Variants in NDUFA10 observed in about 807,000 individuals in gnomAD.
NDUFA10 encodes the protein NADH:ubiquinone oxidoreductase subunit A10, also known as NADH dehydrogenase [ubiquinone] 1 alpha subcomplex subunit 10, mitochondrial.
A neutral mutation model predicts 47.8 loss-of-function variants in NDUFA10; 40 were observed. That is an observed-to-expected ratio of 0.84 (90% CI 0.65 to 1.09). NDUFA10 has a LOEUF of 1.09. Among genes scored for constraint, NDUFA10 ranks in the 50% least tolerant of loss-of-function variants. The probability of loss-of-function intolerance (pLI) is 0.00; values close to 1 mark genes in which losing one functional copy is unlikely to be tolerated. For missense variants in NDUFA10, 413 were observed against 451.1 expected (o/e 0.92, Z 0.76); for synonymous variants, 183 against 172.2 (o/e 1.06, Z -0.49).
At chr2:240,019,452 T>C (rs1697516624) in intron 3 of NDUFA10, among the ~76,000 whole-genome samples, 1 of 152,234 alleles carries the variant, frequency 6.6e-6, no homozygotes, top group African/African-American at 2.4e-5. Context: ...CAAGGCTTTA[T>C]TTAACAAGTA....
At chr2:239,909,292 T>G (rs1693708880) in intron 4 of NDUFA10, among the ~76,000 whole-genome samples, 1 of 152,086 alleles carries the variant, frequency 6.6e-6, no homozygotes, top group South Asian at 2.1e-4. Flanking sequence ...GATTAAAGAC[T>G]TAAATGTAAA....
rs1299938778 is a variant in NDUFA10, at chr2:240,011,650, T to C, written c.716A>G (p.Asn239Ser). ...ITSAYLQDIE[N>S]AYKKTFLPEM... ...AGGGAGAAAGGTTTTCTTATAGGCA[T>C]TCTCAATGTCCTGTAGATAGGCAGA... The change falls in exon 6 of 10, where the codon AAT becomes AGT. Residue 239 changes from asparagine to serine, a missense_variant. Asn to Ser is a conservative substitution (Grantham distance 46). Coordinates refer to ENST00000252711, the MANE Select transcript of NDUFA10 (RefSeq NM_004544.4). 6 of 1,613,750 alleles carry C rather than the reference T, an allele frequency of 3.7e-6. No homozygotes were observed. In the East Asian group the frequency reaches 1.1e-4, roughly 30 times the overall value.
At chr2:239,918,414 C>A (rs1158117267) in intron 4 of NDUFA10, among the ~76,000 whole-genome samples, 1 of 151,766 alleles carries the variant, frequency 6.6e-6, no homozygotes, top group African/African-American at 2.4e-5. Flanking sequence ...CCCCCGCACG[C>A]CAGGCCTGAC....
At chr2:240,004,463 AC>A (rs1053231785) in intron 8 of NDUFA10, among the ~76,000 whole-genome samples, 3 of 149,324 alleles carry the variant, frequency 2.0e-5, no homozygotes, top group African/African-American at 7.7e-5. Context: ...TCAGAAGAAA[AC>A]CCACCAAACG....
intron 4 of NDUFA10, among the ~76,000 whole-genome samples, chr2:239,918,009 C>T (rs1693905131): frequency 6.6e-6 from 1 of 152,144 alleles, no homozygotes; most frequent in South Asian, 2.1e-4. Flanking sequence ...GGCAGCCCAG[C>T]AGCCCTGGAC....
chr2:240,009,324 A>G (rs1328786915), intron 6 of NDUFA10, among the ~76,000 whole-genome samples: 1 of 152,232 alleles, frequency 6.6e-6, no homozygotes, highest in Non-Finnish European at 1.5e-5. Context: ...TAACACTGAC[A>G]CTGGGAGCTA....
intron 4 of NDUFA10, among the ~76,000 whole-genome samples, chr2:239,909,091 A>G: frequency 6.6e-6 from 1 of 152,126 alleles, no homozygotes; most frequent in Non-Finnish European, 1.5e-5. Flanking sequence ...AGCGCCTCCC[A>G]AAGAAATAAC....
In NDUFA10 at chr2:239,945,224, C is replaced by A. The variant is rs1292579965; in HGVS notation, c.294+44850G>T. ...TCTCAGGTCACCGGCAGGCGTTGAG[C>A]AGGCCGCTCTGCAGACGCTGGGCTC... On this transcript the variant is annotated intron_variant, in intron 4 of 5. Coordinates refer to the NDUFA10 transcript ENST00000419408. The surrounding 1 kb of genome is among the most constrained non-coding windows in gnomAD (Gnocchi z 4.6). 6.6e-6 allele frequency among the ~76,000 whole-genome samples: 1 copy of A among 152,218 alleles called. No homozygotes were observed. Among genetic ancestry groups the A allele is most frequent in the East Asian group, 1.9e-4 (1 of 5,186 alleles).
chr2:240,017,698 C>T, intron 4 of NDUFA10: 1 of 782,680 alleles, frequency 1.3e-6, no homozygotes. Context: ...GGATCAGCCC[C>T]TATCAGAAGC....
At chr2:239,972,167 GTGTA>G (rs1448949148) in intron 9 of NDUFA10, among the ~76,000 whole-genome samples, 1 of 138,056 alleles carries the variant, frequency 7.2e-6, no homozygotes, top group East Asian at 2.1e-4. Context: ...GTGTGTGTGT[GTGTA>G]CATGTATACA....
intron 9 of NDUFA10, among the ~76,000 whole-genome samples, chr2:239,977,599 G>C (rs1197613768): frequency 6.6e-6 from 1 of 152,200 alleles, no homozygotes; most frequent in Non-Finnish European, 1.5e-5. Context: ...ATCTGTTCCA[G>C]AGAGACTCAT....
chr2:239,915,708 G>T (rs1274226476), intron 4 of NDUFA10, among the ~76,000 whole-genome samples: 13 of 146,310 alleles, frequency 8.9e-5, no homozygotes, highest in Non-Finnish European at 1.8e-4. Flanking sequence ...TACATACACA[G>T]ACATACACAA....
chr2:239,903,736 G>A (rs922560437), intron 4 of NDUFA10, among the ~76,000 whole-genome samples: 48 of 152,170 alleles, frequency 3.2e-4, no homozygotes, highest in African/African-American at 1.2e-3. Flanking sequence ...CTTCCCCATT[G>A]TCAAGATATT....
At chr2:239,937,105 G>A (rs1694278176) in intron 4 of NDUFA10, among the ~76,000 whole-genome samples, 1 of 152,214 alleles carries the variant, frequency 6.6e-6, no homozygotes, top group Non-Finnish European at 1.5e-5. Context: ...AGTCCGCAGT[G>A]GCCACCCCAG....
At chr2:240,006,526 CA>C (rs1239994177) in intron 7 of NDUFA10, among the ~76,000 whole-genome samples, 6 of 152,208 alleles carry the variant, frequency 3.9e-5, no homozygotes, top group Non-Finnish European at 2.9e-5. Context: ...ACTCACACTT[CA>C]AGACCAGATC....
chr2:239,990,125 T>C lies in NDUFA10; in HGVS notation c.948A>G (p.Glu316=). ...NYTSIPIFLP[E]VTIGAHQTDR... ...CAGTCTGATGAGCTCCAATGGTGACTTCCGGGAGAAAGATAGGAATGCTTG... is the reference window on the plus strand; with the variant it reads ...CAGTCTGATGAGCTCCAATGGTGACCTCCGGGAGAAAGATAGGAATGCTTG... The change falls in exon 9 of 10, where the codon GAA becomes GAG. Residue 316 remains glutamate (E), a synonymous_variant. Transcript: ENST00000252711. The C allele has an allele frequency of 5.6e-6, 9 of 1,614,066 alleles. No individual in the cohort carries two copies. Among genetic ancestry groups the C allele is most frequent in the Non-Finnish European group, 6.8e-6 (8 of 1,179,942 alleles).
rs147179994 is a variant in NDUFA10 at position 239,911,881 on chromosome 2, A to G, written c.295-16567T>C. ...GACTGAGACAAGAATCACAGCTTCA[A>G]GGAAGTGGGGGAGGCACCGACTCCA... On this transcript the variant is annotated intron_variant, in intron 4 of 5. Coordinates refer to the NDUFA10 transcript ENST00000419408. Among the ~76,000 whole-genome samples, 56 of 152,086 alleles carry G rather than the reference A, an allele frequency of 3.7e-4. 1 individual carries two copies. The highest frequency in any genetic ancestry group is 1.3e-3 in the African/African-American group (53 of 41,500).
intron 4 of NDUFA10, among the ~76,000 whole-genome samples, chr2:239,917,494 C>A (rs1693897766): frequency 6.6e-6 from 1 of 152,198 alleles, no homozygotes; most frequent in Non-Finnish European, 1.5e-5. Context: ...ACTATCTGGG[C>A]AGGCCTGAGA....
In NDUFA10 at chr2:239,950,310, T is replaced by C. The variant is rs550268118; in HGVS notation, c.294+39764A>G. Reference sequence around the variant, plus strand: ...CTCAGGGATCCCTCAGGCCCCCGAGTCCTTGAGCGGGCAAGAGGTCTCCTG... The same window carrying C: ...CTCAGGGATCCCTCAGGCCCCCGAGCCCTTGAGCGGGCAAGAGGTCTCCTG... On this transcript the variant is annotated intron_variant, in intron 4 of 5. Transcript: ENST00000419408. 6.6e-5 allele frequency among the ~76,000 whole-genome samples: 10 copies of C among 152,078 alleles called. 1 individual carries two copies. Among genetic ancestry groups the C allele is most frequent in the Admixed American group, 6.5e-4 (10 of 15,282 alleles).
Sources: allele counts gnomAD v4.1 joint callset (sites outside exome capture counted in the v4.1 genomes callset), GRCh38; gene constraint gnomAD v4.1.1; non-coding constraint Gnocchi (gnomAD v3.1); transcripts MANE v1.5; gene names NCBI Gene and HGNC (gene_info 2026-07-23, HGNC 2026-07-21).